Variants in PSPC1 observed in about 807,000 individuals in gnomAD.
PSPC1 encodes the protein paraspeckle protein 1.
A neutral mutation model predicts 51.6 loss-of-function variants in PSPC1; 14 were observed. That is an observed-to-expected ratio of 0.27 (90% CI 0.18 to 0.42). The LOEUF (loss-of-function observed/expected upper bound fraction) is 0.42. Among genes scored for constraint, PSPC1 ranks in the 10% least tolerant of loss-of-function variants. The pLI is 1.00. For synonymous variants in PSPC1, 193 were observed against 231.9 expected (o/e 0.83, Z 1.53); for missense variants, 406 against 701.1 (o/e 0.58, Z 4.75).
downstream of PSPC1, among the ~76,000 whole-genome samples, chr13:19,700,345 A>G (rs1021167437): frequency 1.9e-4 from 29 of 152,222 alleles, no homozygotes; most frequent in Middle Eastern, 3.4e-3. Flanking sequence ...ATTTTTATTA[A>G]ATGGCAATTC....
intron 3 of PSPC1, among the ~76,000 whole-genome samples, chr13:19,753,843 G>A (rs1239493496): frequency 6.6e-6 from 1 of 152,030 alleles, no homozygotes; most frequent in Non-Finnish European, 1.5e-5. Flanking sequence ...ACCCTACTTG[G>A]ATTTTTTTCT....
At position 19,724,709 on chromosome 13, in the gene PSPC1, C is replaced by T. The variant is rs558378116; in HGVS notation, c.1158+5530G>A. 1.4e-4 allele frequency among the ~76,000 whole-genome samples: 22 copies of T among 152,110 alleles called. No homozygotes were observed. In the South Asian group the frequency reaches 4.1e-3, roughly 29 times the overall value. ...CTCTACCAAAAATACAAAAACTTTGCCGAGCGTGGGCCGGGCGTGGTGGCT... is the reference window on the plus strand; with the variant it reads ...CTCTACCAAAAATACAAAAACTTTGTCGAGCGTGGGCCGGGCGTGGTGGCT... On this transcript the variant is annotated intron_variant, in intron 6 of 8. Coordinates refer to ENST00000338910, the MANE Select transcript of PSPC1 (RefSeq NM_001354909.2).
At position 19,751,601 on chromosome 13, in the gene PSPC1, T is replaced by C. The variant is rs143323738; in HGVS notation, c.771-134A>G. On this transcript the variant is annotated intron_variant, in intron 3 of 8. Coordinates refer to ENST00000338910, the MANE Select transcript of PSPC1 (RefSeq NM_001354909.2). ...CTACATGAATTACCTCGTGACAATA[T>C]TGTGATTACAGGCCTGAGTTTAAGA... 3,453 of 507,902 alleles carry C rather than the reference T, an allele frequency of 6.8e-3. 100 individuals are homozygous for C. The highest frequency in any genetic ancestry group is 0.062 in the African/African-American group (3,132 of 50,562). The allele number at this position is 507,902 out of a possible 1,614,324, so 31.5% of individuals were successfully genotyped here.
intron 6 of PSPC1, among the ~76,000 whole-genome samples, chr13:19,690,530 A>C (rs1878425214): frequency 6.6e-6 from 1 of 152,236 alleles, no homozygotes; most frequent in African/African-American, 2.4e-5. Flanking sequence ...AAACTCAATT[A>C]GAAAAAGCCT....
At chr13:19,737,523 C>T (rs1030080132) in intron 5 of PSPC1, among the ~76,000 whole-genome samples, 1 of 152,066 alleles carries the variant, frequency 6.6e-6, no homozygotes, top group Non-Finnish European at 1.5e-5. Flanking sequence ...CAAGGGGCTC[C>T]TGATGTTAAC....
chr13:19,768,309 T>C (rs1888264243), intron 2 of PSPC1, among the ~76,000 whole-genome samples: 1 of 151,920 alleles, frequency 6.6e-6, no homozygotes, highest in South Asian at 2.1e-4. Context: ...TACAGACTTA[T>C]CTAGATTTCA....
At chr13:19,709,410 T>A in intron 7 of PSPC1, 132 bp downstream of exon 7, 1 of 602,770 alleles carries the variant, frequency 1.7e-6, no homozygotes, top group Non-Finnish European at 2.9e-6. Context: ...GTTTAATGGA[T>A]GTAAGAGATT....
chr13:19,693,109 T>C (rs1353797829), intron 6 of PSPC1, among the ~76,000 whole-genome samples: 1 of 152,146 alleles, frequency 6.6e-6, no homozygotes, highest in Non-Finnish European at 1.5e-5. Context: ...AGTCTTAGCG[T>C]CCTCCCCTTA....
intron 1 of PSPC1, among the ~76,000 whole-genome samples, chr13:19,774,092 A>C (rs973696651): frequency 2.6e-5 from 4 of 152,214 alleles, no homozygotes; most frequent in Non-Finnish European, 5.9e-5. Context: ...ATATACACTT[A>C]CTATAAACTA....
At chr13:19,756,612 G>A (rs539240572) in intron 3 of PSPC1, among the ~76,000 whole-genome samples, 16 of 151,840 alleles carry the variant, frequency 1.1e-4, no homozygotes, top group South Asian at 6.2e-4. Context: ...CAATTCTCCC[G>A]CCTCAGCCTC....
At chr13:19,769,381 C>T (rs1396483185) in intron 2 of PSPC1, among the ~76,000 whole-genome samples, 1 of 152,088 alleles carries the variant, frequency 6.6e-6, no homozygotes, top group African/African-American at 2.4e-5. Context: ...CAGTGAAACC[C>T]CGTCTCTACT....
intron 4 of PSPC1, among the ~76,000 whole-genome samples, chr13:19,742,005 G>A (rs1285404249): frequency 1.3e-5 from 2 of 151,978 alleles, no homozygotes; most frequent in African/African-American, 4.8e-5. Flanking sequence ...GGTGGCGCGC[G>A]CCTGTAGTCC....
chr13:19,752,475 C>G (rs1047123720), intron 3 of PSPC1, among the ~76,000 whole-genome samples: 10 of 152,032 alleles, frequency 6.6e-5, no homozygotes, highest in African/African-American at 2.2e-4. Flanking sequence ...TGACTGATCT[C>G]AAACTCCTGG....
intron 6 of PSPC1, among the ~76,000 whole-genome samples, chr13:19,725,155 C>T (rs958716842): frequency 2.6e-5 from 4 of 152,104 alleles, no homozygotes; most frequent in East Asian, 3.8e-4. Context: ...CCAGCCTAAG[C>T]GACAGAGCAA....
At chr13:19,760,912 C>T (rs1156414901) in intron 2 of PSPC1, among the ~76,000 whole-genome samples, 6 of 151,850 alleles carry the variant, frequency 4.0e-5, no homozygotes, top group African/African-American at 9.7e-5. Context: ...CGCTTGAATC[C>T]GGGAGACGGA....
intron 6 of PSPC1, among the ~76,000 whole-genome samples, chr13:19,720,613 CAAAAT>C (rs1882648177): frequency 1.3e-5 from 2 of 151,842 alleles, no homozygotes; most frequent in African/African-American, 2.4e-5. Context: ...TAAGTGGTAC[CAAAAT>C]AAAAATCAAA....
At chr13:19,711,037 C>T (rs1881341095) in intron 6 of PSPC1, among the ~76,000 whole-genome samples, 1 of 151,950 alleles carries the variant, frequency 6.6e-6, no homozygotes, top group East Asian at 1.9e-4. Flanking sequence ...GATAGGGTCT[C>T]GCTATGTCAA....
chr13:19,715,722 T>G (rs552643367), intron 6 of PSPC1, among the ~76,000 whole-genome samples: 102 of 152,304 alleles, frequency 6.7e-4, no homozygotes, highest in African/African-American at 2.4e-3. Flanking sequence ...AGTGAGACAC[T>G]GTCTCTTAAA....
chr13:19,688,190 T>C (rs932252142), intron 6 of PSPC1, among the ~76,000 whole-genome samples: 1 of 152,138 alleles, frequency 6.6e-6, no homozygotes, highest in Admixed American at 6.5e-5. Context: ...CTTATATGCA[T>C]TTCTCTTTGC....
Sources: gnomAD v4.1 joint callset for allele counts (sites outside exome capture counted in the v4.1 genomes callset) on GRCh38, gnomAD v4.1.1 for gene constraint, MANE v1.5 for transcripts, NCBI Gene and HGNC (gene_info 2026-07-23, HGNC 2026-07-21) for gene names.